DPYSL3: variants seen among roughly 807,000 people sequenced by gnomAD.
DPYSL3 encodes the protein dihydropyrimidinase-related protein 3.
Under a neutral mutation model 66.1 loss-of-function variants are expected in DPYSL3, and 16 were observed. The ratio of observed to expected loss-of-function variants is 0.24; its 90% CI spans 0.16 to 0.37. DPYSL3 has a LOEUF of 0.37. Ranked by LOEUF, DPYSL3 falls within the 10% of genes least tolerant of loss-of-function variation. The pLI, the probability that DPYSL3 is intolerant of heterozygous loss-of-function variation, is 1.00. For missense variants in DPYSL3, 738 were observed against 916.2 expected (o/e 0.81, Z 2.51); for synonymous variants, 338 against 345.1 (o/e 0.98, Z 0.23).
chr5:147,448,152 A>G (rs998259436), intron 1 of DPYSL3, among the ~76,000 whole-genome samples: 2 of 152,142 alleles, frequency 1.3e-5, no homozygotes, highest in Non-Finnish European at 2.9e-5. Flanking sequence ...AAGAAAAAAG[A>G]GCAGTCAAGC....
chr5:147,464,917 G>A (rs1581207511), intron 1 of DPYSL3, among the ~76,000 whole-genome samples: 1 of 152,318 alleles, frequency 6.6e-6, no homozygotes, highest in East Asian at 1.9e-4. Flanking sequence ...GTAAATCTGA[G>A]GTCAGCTGTG....
chr5:147,489,965 G>GA (rs1471572151), intron 1 of DPYSL3, among the ~76,000 whole-genome samples: 2 of 151,790 alleles, frequency 1.3e-5, no homozygotes, highest in South Asian at 2.1e-4. Context: ...TTTAAGAAAA[G>GA]AAAAAATATT....
At position 147,415,721 on chromosome 5, in the gene DPYSL3, T is replaced by C. The variant is rs1751950625; in HGVS notation, c.808A>G (p.Ile270Val). The part of the protein sequence containing the change: ...DSVKQEVQNL[I>V]KDKGVNSFMV... ...TGTCCGGGCTCACCTTTGTCCTTGA[T>C]GAGGTTCTGCACTTCCTGCTTGACG... Residue 270 changes from isoleucine to valine, a missense_variant, in exon 4 of 14, where the codon ATC becomes GTC. Transcript: ENST00000343218. 3 of 1,613,802 alleles carry C rather than the reference T, an allele frequency of 1.9e-6. No homozygotes were observed. The highest frequency in any genetic ancestry group is 2.5e-6 in the Non-Finnish European group (3 of 1,179,892).
intron 1 of DPYSL3, among the ~76,000 whole-genome samples, chr5:147,426,045 T>C (rs866296226): frequency 1.2e-4 from 18 of 146,108 alleles, no homozygotes; most frequent in East Asian, 1.2e-3. Flanking sequence ...ATCCATCCAT[T>C]CATCCATCCA....
At chr5:147,424,847 A>G in intron 2 of DPYSL3, 28 bp downstream of exon 2, 1 of 1,535,916 alleles carries the variant, frequency 6.5e-7, no homozygotes, top group Admixed American at 1.8e-5. Flanking sequence ...AGTGCAAAAC[A>G]ATAAAGAGAA....
Position 147,481,968 on chromosome 5 carries a change from G to A in DPYSL3, c.381+27510C>T, listed in dbSNP as rs532315888. On this transcript the variant is annotated intron_variant, in intron 1 of 13. Coordinates refer to ENST00000343218, the MANE Select transcript of DPYSL3 (RefSeq NM_001197294.2). ...TGCACATACAGTGGGTTGTGTTACA[G>A]GAGAATAATACTGATGTAGGAAGAT... Among the ~76,000 whole-genome samples, 9 of 152,294 alleles carry A rather than the reference G, an allele frequency of 5.9e-5. No individual in the cohort carries two copies. The East Asian group carries it at 1.7e-3, about 29-fold the overall frequency.
chr5:147,445,868 G>A (rs560166637), intron 1 of DPYSL3, among the ~76,000 whole-genome samples: 3 of 152,242 alleles, frequency 2.0e-5, no homozygotes, highest in African/African-American at 7.2e-5. Flanking sequence ...ATGTTCATCT[G>A]AATTAATACT....
chr5:147,415,053 T>C (rs538579921), intron 4 of DPYSL3, among the ~76,000 whole-genome samples: 12 of 152,220 alleles, frequency 7.9e-5, no homozygotes, highest in African/African-American at 2.6e-4. Flanking sequence ...CAATATCTGT[T>C]GATCAAAAAG....
At chr5:147,490,134 G>T (rs1005612445) in intron 1 of DPYSL3, among the ~76,000 whole-genome samples, 3 of 152,158 alleles carry the variant, frequency 2.0e-5, no homozygotes, top group African/African-American at 7.2e-5. Flanking sequence ...ATCCCAGGCT[G>T]CACTCCTCTT....
At chr5:147,484,738 A>G (rs954135962) in intron 1 of DPYSL3, among the ~76,000 whole-genome samples, 2 of 152,214 alleles carry the variant, frequency 1.3e-5, no homozygotes, top group African/African-American at 4.8e-5. Context: ...AATGCTTCAA[A>G]TCTCCACCAT....
rs909407527 is a variant in DPYSL3 at position 147,443,542 on chromosome 5, C to T, written c.382-18579G>A. ...GGTCAATAGGTGCAGCCAACCACCA[C>T]GGCACATGTATACCTATGTAACAAA... On this transcript the variant is annotated intron_variant, in intron 1 of 13. Transcript: ENST00000343218. Among the ~76,000 whole-genome samples the T allele has an allele frequency of 4.7e-5, 7 of 150,408 alleles. No homozygotes were observed. The East Asian group carries it at 5.9e-4, about 13-fold the overall frequency.
intron 2 of DPYSL3, among the ~76,000 whole-genome samples, chr5:147,421,000 G>A (rs577778657): frequency 2.0e-5 from 3 of 152,284 alleles, no homozygotes; most frequent in East Asian, 1.9e-4. Flanking sequence ...ACATCGTATT[G>A]GAAGTTCTGG....
chr5:147,444,941 G>A (rs899179605), intron 1 of DPYSL3, among the ~76,000 whole-genome samples: 1 of 151,832 alleles, frequency 6.6e-6, no homozygotes, highest in Non-Finnish European at 1.5e-5. Context: ...TACAAATGCA[G>A]ATTGGTCTAT....
intron 1 of DPYSL3, among the ~76,000 whole-genome samples, chr5:147,505,365 G>A (rs1042695149): frequency 2.6e-5 from 4 of 152,000 alleles, no homozygotes; most frequent in Non-Finnish European, 5.9e-5. Context: ...CTCCCAAGTA[G>A]CTAGGATTAC....
chr5:147,496,027 C>T (rs1029916361), intron 1 of DPYSL3, among the ~76,000 whole-genome samples: 5 of 152,170 alleles, frequency 3.3e-5, no homozygotes, highest in African/African-American at 1.2e-4. Context: ...ACCAAAATAG[C>T]ATGGTACTGG....
In DPYSL3 at chr5:147,413,671, A is replaced by G; in HGVS notation, c.821-14T>C. 1 of 1,605,500 alleles carries G rather than the reference A, an allele frequency of 6.2e-7. No individual in the cohort carries two copies. The highest frequency in any genetic ancestry group is 8.5e-7 in the Non-Finnish European group (1 of 1,173,370). ...AGGAGTTAACCCCTGCAAAAGAGGG[A>G]CAGGAGGAAAAACAAGAGAAAGACA... On this transcript the variant is annotated splice_polypyrimidine_tract_variant and intron_variant, in intron 4 of 13. Transcript: ENST00000343218.
At chr5:147,418,724 C>G in intron 2 of DPYSL3, 93 bp from the exon 3 acceptor site, 1 of 1,148,478 alleles carries the variant, frequency 8.7e-7, no homozygotes, top group South Asian at 1.8e-5. Flanking sequence ...GGATTTTAAA[C>G]AGTGTTACTT....
In DPYSL3 at chr5:147,510,066, A is replaced by G. The variant is rs746869013; in HGVS notation, c.-208T>C. ...GCTAGCGCGCGGAGCAGGGGCCCAG[A>G]GTAGCGCCGCGCTTGGCTCACTCGC... is the stretch of plus-strand genomic sequence containing the variant. On this transcript the variant is annotated 5_prime_UTR_variant, in exon 1 of 14. Coordinates refer to ENST00000343218, the MANE Select transcript of DPYSL3 (RefSeq NM_001197294.2). 1.3e-6 allele frequency: 1 copy of G among 774,824 alleles called. No individual in the cohort carries two copies. Among genetic ancestry groups the G allele is most frequent in the Non-Finnish European group, 1.9e-6 (1 of 522,538 alleles). 48.0% of individuals were successfully genotyped at this position (774,824 alleles called of 1,614,324 possible). A position where few individuals can be genotyped will look rare whatever the true frequency, so the allele number is the denominator to read the frequency against.
chr5:147,453,849 T>A, intron 1 of DPYSL3: 1 of 830,288 alleles, frequency 1.2e-6, no homozygotes, highest in South Asian at 4.5e-5. Context: ...CGGGTTTTGT[T>A]TTTTTTTTTC....
Sources: gnomAD v4.1 joint callset for allele counts (sites outside exome capture counted in the v4.1 genomes callset) on GRCh38, gnomAD v4.1.1 for gene constraint, MANE v1.5 for transcripts, NCBI Gene and HGNC (gene_info 2026-07-23, HGNC 2026-07-21) for gene names.